PRKG2: variants seen among roughly 807,000 people sequenced by gnomAD.
PRKG2 encodes protein kinase cGMP-dependent 2, also known as cGMP-dependent protein kinase 2.
A neutral mutation model predicts 97.2 loss-of-function variants in PRKG2; 33 were observed. That is an observed-to-expected ratio of 0.34 (90% CI 0.26 to 0.45). The LOEUF is 0.45. Among genes scored for constraint, PRKG2 ranks in the 20% least tolerant of loss-of-function variants. PRKG2 has a pLI of 1.00. For synonymous variants in PRKG2, 330 were observed against 321.8 expected (o/e 1.03, Z -0.27); for missense variants, 638 against 900.0 (o/e 0.71, Z 3.73).
At chr4:81,122,097 G>T (rs995739251) in intron 14 of PRKG2, among the ~76,000 whole-genome samples, 3 of 152,114 alleles carry the variant, frequency 2.0e-5, no homozygotes, top group African/African-American at 4.8e-5. Flanking sequence ...AGATTTATTG[G>T]ATTATTATTT....
At chr4:81,110,237 A>G (rs1400685942) in intron 15 of PRKG2, among the ~76,000 whole-genome samples, 2 of 152,206 alleles carry the variant, frequency 1.3e-5, no homozygotes, top group Non-Finnish European at 2.9e-5. Context: ...GCAATTCTAT[A>G]TTCCTTTCCT....
intron 12 of PRKG2, among the ~76,000 whole-genome samples, chr4:81,138,532 A>T (rs1306344464): frequency 6.6e-6 from 1 of 152,108 alleles, no homozygotes; most frequent in Non-Finnish European, 1.5e-5. Flanking sequence ...CTCTATACAG[A>T]TTACATATTA....
At chr4:81,174,679 T>C (rs1750770725) in intron 3 of PRKG2, 114 bp downstream of exon 3, 2 of 1,054,312 alleles carry the variant, frequency 1.9e-6, no homozygotes, top group East Asian at 2.5e-5. Context: ...CATGATTCAA[T>C]ATGTTATGTT....
In PRKG2 at chr4:81,161,179, T is replaced by A. The variant is rs576693694; in HGVS notation, c.912+5982A>T. ...CTAACAAACATGCGTTTTATTTTCA[T>A]AACACTATGTACATTTTATAAGATA... On this transcript the variant is annotated intron_variant, in intron 6 of 18. Coordinates refer to ENST00000264399, the MANE Select transcript of PRKG2 (RefSeq NM_006259.3). 6.4e-4 allele frequency among the ~76,000 whole-genome samples: 98 copies of A among 152,296 alleles called. 1 individual carries two copies. In the South Asian group the frequency reaches 0.02, roughly 31 times the overall value.
At chr4:81,151,894 A>G in intron 8 of PRKG2, 66 bp downstream of exon 8, 2 of 1,279,214 alleles carry the variant, frequency 1.6e-6, no homozygotes, top group Non-Finnish European at 1.1e-6. Context: ...ACAACTCTAA[A>G]TGATTTTATA....
chr4:81,176,215 G>A (rs535472414), intron 2 of PRKG2, among the ~76,000 whole-genome samples: 8 of 152,074 alleles, frequency 5.3e-5, no homozygotes, highest in African/African-American at 1.7e-4. Context: ...TTACTAAATC[G>A]TATCAATTTG....
intron 15 of PRKG2, among the ~76,000 whole-genome samples, chr4:81,106,423 G>A (rs1743347723): frequency 6.6e-6 from 1 of 152,152 alleles, no homozygotes; most frequent in African/African-American, 2.4e-5. Context: ...GAGTGAGGAA[G>A]CAAGAGGGGA....
intron 8 of PRKG2, among the ~76,000 whole-genome samples, chr4:81,149,401 C>T (rs889551531): frequency 9.2e-5 from 14 of 152,104 alleles, no homozygotes; most frequent in South Asian, 8.3e-4. Context: ...AGTTTCAGTG[C>T]CATATCACCC....
chr4:81,213,974 C>A (rs1422394738), intron 1 of PRKG2, among the ~76,000 whole-genome samples: 1 of 152,110 alleles, frequency 6.6e-6, no homozygotes, highest in African/African-American at 2.4e-5. Flanking sequence ...ACCATATTAG[C>A]TCATACCCTC....
At chr4:81,167,255 CT>C in intron 5 of PRKG2, 31 bp from the exon 6 acceptor site, 1 of 1,406,924 alleles carries the variant, frequency 7.1e-7, no homozygotes, top group Non-Finnish European at 9.8e-7. Context: ...CTTCAATTAC[CT>C]TCCTGAATTA....
At chr4:81,144,637 T>C (rs909020172) in intron 9 of PRKG2, among the ~76,000 whole-genome samples, 4 of 151,060 alleles carry the variant, frequency 2.6e-5, no homozygotes, top group East Asian at 1.9e-4. Flanking sequence ...CTTTAAGTTC[T>C]AGGGTACATG....
chr4:81,204,859 C>T lies in PRKG2; in HGVS notation c.189G>A (p.Val63=). 6.2e-7 allele frequency: 1 copy of T among 1,614,210 alleles called. No homozygotes were observed. The highest frequency in any genetic ancestry group is 1.1e-5 in the South Asian group (1 of 91,086). ...GCTCCTCTGTGAGTTCAGCAATGGC[C>T]ACAGTCTGCTTCGACAGCTGCTCCC... ...ELREQLSKQT[V]AIAELTEELQ... is the part of the protein sequence containing the mutation. The change falls in exon 2 of 19, where the codon GTG becomes GTA. Residue 63 remains valine, a synonymous_variant. Transcript: ENST00000264399.
chr4:81,118,360 C>T (rs1028730454), intron 14 of PRKG2, among the ~76,000 whole-genome samples: 13 of 152,116 alleles, frequency 8.5e-5, no homozygotes, highest in Non-Finnish European at 2.9e-5. Flanking sequence ...TATCAAGAAA[C>T]GTGATTGTTG....
In PRKG2 at chr4:81,088,899, C is replaced by T. The variant is rs1466904165; in HGVS notation, c.*809G>A. The T allele has an allele frequency of 6.6e-6, 1 of 152,122 alleles. No individual in the cohort carries two copies. Among genetic ancestry groups the T allele is most frequent in the African/African-American group, 2.4e-5 (1 of 41,422 alleles). 9.4% of individuals were successfully genotyped at this position (152,122 alleles called of 1,614,324 possible). A position where few individuals can be genotyped will look rare whatever the true frequency, so the allele number is the denominator to read the frequency against. ...GGCAAAAGCCTTCGCAATTTTGTTC[C>T]AGCACGTTTTCTACTCTGGTTGTGA... On this transcript the variant is annotated 3_prime_UTR_variant, in exon 19 of 19. Transcript: ENST00000264399.
At chr4:81,103,861 T>C (rs899804969) in intron 17 of PRKG2, among the ~76,000 whole-genome samples, 7 of 151,944 alleles carry the variant, frequency 4.6e-5, no homozygotes, top group African/African-American at 1.7e-4. Flanking sequence ...TGAAACCCTG[T>C]CTCTACTAAA....
intron 2 of PRKG2, among the ~76,000 whole-genome samples, chr4:81,197,929 G>A (rs1008978907): frequency 4.6e-5 from 7 of 152,194 alleles, no homozygotes; most frequent in Admixed American, 1.3e-4. Context: ...AGGGAAACTT[G>A]GACATTAAAG....
intron 10 of PRKG2, 122 bp from the exon 11 acceptor site, chr4:81,143,069 C>T: frequency 7.9e-7 from 1 of 1,264,260 alleles, no homozygotes; most frequent in South Asian, 2.2e-5. Context: ...ATAGTTGCCA[C>T]AAAGGCTATC....
chr4:81,196,433 C>T (rs892663490), intron 2 of PRKG2, among the ~76,000 whole-genome samples: 2 of 152,168 alleles, frequency 1.3e-5, no homozygotes, highest in Non-Finnish European at 2.9e-5. Context: ...AACCAATATG[C>T]TTGCATTTCC....
chr4:81,164,928 A>G (rs983898184), intron 6 of PRKG2: 6 of 152,174 alleles, frequency 3.9e-5, no homozygotes, highest in South Asian at 2.1e-4. Flanking sequence ...TCTCATGCTT[A>G]GTGGATTCAT....
Sources: allele counts gnomAD v4.1 joint callset (sites outside exome capture counted in the v4.1 genomes callset), GRCh38; gene constraint gnomAD v4.1.1; transcripts MANE v1.5; gene names NCBI Gene and HGNC (gene_info 2026-07-23, HGNC 2026-07-21).